Variants in COPS5 observed in about 807,000 individuals in gnomAD.
COPS5 encodes COP9 signalosome complex subunit 5.
COPS5 carries 8 observed loss-of-function variants against 44.4 expected under a neutral mutation model. That is an observed-to-expected ratio of 0.18 (90% CI 0.11 to 0.32). COPS5 has a LOEUF of 0.32. Ranked by LOEUF, COPS5 falls within the 10% of genes least tolerant of loss-of-function variation. The probability of loss-of-function intolerance (pLI) is 1.00; values close to 1 mark genes in which losing one functional copy is unlikely to be tolerated. For synonymous variants in COPS5, 122 were observed against 142.8 expected (o/e 0.85, Z 1.04); for missense variants, 159 against 406.4 (o/e 0.39, Z 5.23).
chr8:67,044,483 C>G (rs1035832825), intron 7 of COPS5: 1 of 152,190 alleles, frequency 6.6e-6, no homozygotes, highest in Admixed American at 6.5e-5. Context: ...CTTCTTTTCC[C>G]TATAAACCAA....
intron 1 of COPS5, 43 bp downstream of exon 1, chr8:67,061,808 TCCG>T: frequency 6.2e-7 from 1 of 1,603,174 alleles, no homozygotes; most frequent in South Asian, 1.1e-5. Flanking sequence ...TCTCTTAAAC[TCCG>T]CCACCCTTTC....
chr8:67,052,053 T>C (rs1804422260), intron 5 of COPS5, among the ~76,000 whole-genome samples: 1 of 152,182 alleles, frequency 6.6e-6, no homozygotes. Context: ...CAAAATTAAA[T>C]ATAATGATAT....
chr8:67,058,556 T>C (rs1164759946), intron 2 of COPS5, among the ~76,000 whole-genome samples: 1 of 152,326 alleles, frequency 6.6e-6, no homozygotes, highest in African/African-American at 2.4e-5. Context: ...TTATTTTTTT[T>C]TCTTTTAAAG....
intron 5 of COPS5, among the ~76,000 whole-genome samples, chr8:67,054,223 C>T (rs764729172): frequency 2.8e-4 from 42 of 151,746 alleles, no homozygotes; most frequent in African/African-American, 1.5e-4. Flanking sequence ...GATAAACTAA[C>T]GGAATAGACA....
intron 6 of COPS5, among the ~76,000 whole-genome samples, chr8:67,050,745 A>G (rs779777577): frequency 4.7e-5 from 7 of 148,720 alleles, no homozygotes; most frequent in Non-Finnish European, 1.0e-4. Flanking sequence ...GTTAACTAAG[A>G]TGAAATCAAT....
At chr8:67,053,296 G>A (rs534867331) in intron 5 of COPS5, among the ~76,000 whole-genome samples, 1 of 151,482 alleles carries the variant, frequency 6.6e-6, no homozygotes, top group South Asian at 2.1e-4. Context: ...TCACCATGTT[G>A]TCCAGGCTGG....
chr8:67,056,427 T>C, intron 5 of COPS5, 92 bp downstream of exon 5: 1 of 430,480 alleles, frequency 2.3e-6, no homozygotes. Context: ...ATTCCTGTCC[T>C]CAAGCAATCC....
chr8:67,045,074 C>T (rs2129537707), intron 7 of COPS5: 1 of 152,230 alleles, frequency 6.6e-6, no homozygotes, highest in East Asian at 1.9e-4. Flanking sequence ...GTTTTAGAAG[C>T]ACAATTTAAG....
At chr8:67,055,573 A>G (rs1804490354) in intron 5 of COPS5, among the ~76,000 whole-genome samples, 1 of 152,140 alleles carries the variant, frequency 6.6e-6, no homozygotes, top group African/African-American at 2.4e-5. Flanking sequence ...TTCACCATCA[A>G]AAAAGGTACG....
At chr8:67,057,576 A>G (rs1804531938) in intron 3 of COPS5, 131 bp from the exon 4 acceptor site, 3 of 485,282 alleles carry the variant, frequency 6.2e-6, no homozygotes, top group African/African-American at 6.0e-5. Context: ...AGAATAAACC[A>G]AAAAACCATA....
At chr8:67,049,694 C>T (rs758925632) in intron 6 of COPS5, among the ~76,000 whole-genome samples, 4 of 152,128 alleles carry the variant, frequency 2.6e-5, no homozygotes, top group African/African-American at 9.7e-5. Flanking sequence ...CGTAATGCCT[C>T]CTTTGGTTAC....
chr8:67,048,779 A>C (rs1356432985), intron 6 of COPS5, among the ~76,000 whole-genome samples: 1 of 152,078 alleles, frequency 6.6e-6, no homozygotes, highest in Non-Finnish European at 1.5e-5. Flanking sequence ...TCCCATGAAT[A>C]TAATGCACCA....
chr8:67,046,840 A>C (rs1007868642), intron 6 of COPS5, among the ~76,000 whole-genome samples: 18 of 150,774 alleles, frequency 1.2e-4, no homozygotes, highest in Non-Finnish European at 1.9e-4. Flanking sequence ...AAAAAAAAAA[A>C]AAAAAAAACA....
In COPS5 at chr8:67,059,376, C is replaced by T. The variant is rs778681438; in HGVS notation, c.213G>A (p.Ser71=). ...ALLKMVMHAR[S]GGNLEVMGLM... is the part of the protein sequence containing the mutation. ...GACCCATCACTTCCAAGTTGCCTCCCGATCTGGCATGCATCACCATCTTCA... is the reference window on the plus strand; with the variant it reads ...GACCCATCACTTCCAAGTTGCCTCCTGATCTGGCATGCATCACCATCTTCA... Residue 71 remains serine (S), a synonymous_variant, in exon 2 of 8, where the codon TCG becomes TCA. Transcript: ENST00000357849. The T allele has an allele frequency of 2.2e-5, 36 of 1,614,060 alleles. No homozygotes were observed. Among genetic ancestry groups the T allele is most frequent in the East Asian group, 4.5e-5 (2 of 44,900 alleles).
chr8:67,050,696 A>C (rs1804396000), intron 6 of COPS5, among the ~76,000 whole-genome samples: 1 of 151,458 alleles, frequency 6.6e-6, no homozygotes, highest in Non-Finnish European at 1.5e-5. Context: ...TCTAAAGCTA[A>C]AGCTGCCGTC....
chr8:67,056,696 TATATATATATATATAAAA>T (rs1804518227), intron 4 of COPS5, 92 bp from the exon 5 acceptor site: 1 of 46,116 alleles, frequency 2.2e-5, no homozygotes, highest in African/African-American at 1.1e-4. Flanking sequence ...TATATATATA[TATATATATATATATAAAA>T]ATGAGAAAAA....
intron 5 of COPS5, among the ~76,000 whole-genome samples, chr8:67,055,534 ATTT>A (rs1804489761): frequency 3.3e-5 from 5 of 152,286 alleles, no homozygotes; most frequent in Admixed American, 2.0e-4. Flanking sequence ...CATTAAAATA[ATTT>A]AAGATATAAT....
At chr8:67,051,705 G>C (rs868734439) in intron 5 of COPS5, among the ~76,000 whole-genome samples, 28 of 152,132 alleles carry the variant, frequency 1.8e-4, no homozygotes, top group African/African-American at 6.0e-4. Context: ...TATAATTTTT[G>C]TTAGCCTCTT....
intron 6 of COPS5, 181 bp downstream of exon 6, chr8:67,051,049 T>C: frequency 1.8e-6 from 1 of 569,508 alleles, no homozygotes; most frequent in Non-Finnish European, 3.1e-6. Context: ...CTGTGGGTCA[T>C]GACACAGATC....
Sources: gnomAD v4.1 joint callset for allele counts (sites outside exome capture counted in the v4.1 genomes callset) on GRCh38, gnomAD v4.1.1 for gene constraint, MANE v1.5 for transcripts, NCBI Gene and HGNC (gene_info 2026-07-23, HGNC 2026-07-21) for gene names.